Variants in APOL5 observed in about 807,000 individuals in gnomAD.
The protein encoded by APOL5 is apolipoprotein L, 5.
APOL5 carries 29 observed loss-of-function variants against 35.5 expected under a neutral mutation model. The observed-to-expected ratio is 0.82, with a 90% CI of 0.61 to 1.11. The LOEUF is 1.11. Among genes scored for constraint, APOL5 ranks in the 50% most tolerant of loss-of-function variants. The pLI, the probability that APOL5 is intolerant of heterozygous loss-of-function variation, is 0.00. For synonymous variants in APOL5, 188 were observed against 200.2 expected (o/e 0.94, Z 0.51); for missense variants, 514 against 530.4 (o/e 0.97, Z 0.30).
chr22:35,711,169 C>T, the APOL5 span, among the ~76,000 whole-genome samples: 1 of 152,084 alleles, frequency 6.6e-6, no homozygotes, highest in African/African-American at 2.4e-5. Context: ...GAAACTCTGT[C>T]TCAAACAACA....
At chr22:35,713,867 G>A (rs1926662813), upstream of APOL5, among the ~76,000 whole-genome samples, 1 of 152,160 alleles carries the variant, frequency 6.6e-6, no homozygotes, top group Admixed American at 6.5e-5. Context: ...GAAAGTGAAG[G>A]TGAGGAACTA....
Position 35,728,703 on chromosome 22 carries a change from C to T in APOL5, c.1127-20C>T, listed in dbSNP as rs1212685512. ...TCTCTTTCTTGGAAGTTGTAAGACACAGGGACTCATGTTCCACAGGGTCTC... is the reference window on the plus strand; with the variant it reads ...TCTCTTTCTTGGAAGTTGTAAGACATAGGGACTCATGTTCCACAGGGTCTC... On this transcript the variant is annotated intron_variant, in intron 3 of 4. Transcript: ENST00000249044. The T allele has an allele frequency of 6.2e-7, 1 of 1,607,652 alleles. No individual in the cohort carries two copies. The highest frequency in any genetic ancestry group is 8.5e-7 in the Non-Finnish European group (1 of 1,177,536).
intron 1 of APOL5, among the ~76,000 whole-genome samples, chr22:35,718,443 C>T (rs989808979): frequency 2.0e-5 from 3 of 151,808 alleles, no homozygotes; most frequent in Admixed American, 6.6e-5. Flanking sequence ...CATGGTGAAA[C>T]CCTGTCTCTA....
chr22:35,718,549 G>A (rs113254883), intron 1 of APOL5, among the ~76,000 whole-genome samples: 6,163 of 146,422 alleles, frequency 0.042, 178 homozygotes, highest in Middle Eastern at 0.073. Context: ...CTGGGAGATC[G>A]CGCCATTGCA....
chr22:35,714,835 C>T (rs932538406), upstream of APOL5, among the ~76,000 whole-genome samples: 3 of 152,234 alleles, frequency 2.0e-5, no homozygotes, highest in Non-Finnish European at 4.4e-5. Flanking sequence ...ACAGTGGCCA[C>T]AGCCTCCACT....
At chr22:35,710,381 A>G in the APOL5 span, among the ~76,000 whole-genome samples, 1 of 149,396 alleles carries the variant, frequency 6.7e-6, no homozygotes, top group African/African-American at 2.5e-5. Flanking sequence ...GGCTCAAGTG[A>G]TCCTCCCGCC....
the APOL5 span, among the ~76,000 whole-genome samples, chr22:35,709,180 G>A: frequency 6.6e-6 from 1 of 152,168 alleles, no homozygotes; most frequent in Non-Finnish European, 1.5e-5. Context: ...TCAAGAACAT[G>A]CAAAACGTAT....
At chr22:35,725,562 T>G (rs571514198) in intron 2 of APOL5, among the ~76,000 whole-genome samples, 2 of 150,754 alleles carry the variant, frequency 1.3e-5, no homozygotes, top group Non-Finnish European at 1.5e-5. Flanking sequence ...CAGGACTGGT[T>G]TTTTTTTTTA....
chr22:35,714,336 C>T (rs1212273001), upstream of APOL5, among the ~76,000 whole-genome samples: 2 of 152,086 alleles, frequency 1.3e-5, no homozygotes, highest in Non-Finnish European at 2.9e-5. Flanking sequence ...AAATAAAAAT[C>T]TGCGTTATCC....
intron 2 of APOL5, among the ~76,000 whole-genome samples, chr22:35,723,323 T>C (rs1484193540): frequency 6.6e-6 from 1 of 152,160 alleles, no homozygotes; most frequent in Non-Finnish European, 1.5e-5. Context: ...AGTCAAACCC[T>C]GTTACGTGCT....
upstream of APOL5, among the ~76,000 whole-genome samples, chr22:35,714,707 TGAGAA>T (rs1926689647): frequency 6.6e-6 from 1 of 152,206 alleles, no homozygotes; most frequent in Non-Finnish European, 1.5e-5. Flanking sequence ...GGTGTCCGAC[TGAGAA>T]GAGTTGAGAA....
the APOL5 span, among the ~76,000 whole-genome samples, chr22:35,708,587 G>A: frequency 6.6e-6 from 1 of 152,172 alleles, no homozygotes; most frequent in South Asian, 2.1e-4. Flanking sequence ...TCACATCTGT[G>A]CTCTTCACAA....
chr22:35,710,500 C>G, the APOL5 span, among the ~76,000 whole-genome samples: 1 of 150,166 alleles, frequency 6.7e-6, no homozygotes, highest in Admixed American at 6.7e-5. Flanking sequence ...TATATATGTA[C>G]ACACACACAC....
chr22:35,719,378 C>T (rs950735266), intron 1 of APOL5, among the ~76,000 whole-genome samples: 2 of 152,162 alleles, frequency 1.3e-5, no homozygotes, highest in African/African-American at 4.8e-5. Flanking sequence ...ACCACCATCC[C>T]GCCCACGAGC....
rs1271778429 is a variant in APOL5 at position 35,727,180 on chromosome 22, T to G, written c.1112T>G (p.Val371Gly). 2 of 1,599,550 alleles carry G rather than the reference T, an allele frequency of 1.3e-6. No homozygotes were observed. The highest frequency in any genetic ancestry group is 2.7e-5 in the African/African-American group (2 of 74,800). ...SRGRAVRGSR[V>G]VKPEGSRSPL... is the part of the protein sequence containing the mutation. The stretch of plus-strand genomic sequence containing the variant: ...GGCAGGGCTGTTCGAGGATCCCGTG[T>G]GGTTAAACCAGAAGGTAGGAAGGCA... The change falls in exon 3 of 5, where the codon GTG (valine) becomes GGG (glycine). Residue 371 changes from valine (V) to glycine (G), a missense_variant. By Grantham distance (109) the Val-to-Gly change is moderately radical (BLOSUM62 -3). Coordinates refer to ENST00000249044, the MANE Select transcript of APOL5 (RefSeq NM_030642.1).
chr22:35,710,263 A>G, the APOL5 span, among the ~76,000 whole-genome samples: 1 of 149,500 alleles, frequency 6.7e-6, no homozygotes, highest in Non-Finnish European at 1.5e-5. Flanking sequence ...TAGCTGGACT[A>G]CAGGTATGCA....
chr22:35,726,168 T>A, intron 2 of APOL5, 43 bp from the exon 3 acceptor site: 2 of 1,582,756 alleles, frequency 1.3e-6, no homozygotes, highest in Non-Finnish European at 1.7e-6. Flanking sequence ...GGGCTCTGCC[T>A]CCTGCACACA....
intron 1 of APOL5, 53 bp downstream of exon 1, chr22:35,717,979 G>A (rs1208451465): frequency 7.0e-7 from 1 of 1,436,464 alleles, no homozygotes; most frequent in Non-Finnish European, 9.4e-7. Context: ...TGTACAAATT[G>A]TCCCAGAAAT....
At chr22:35,711,268 G>T in the APOL5 span, among the ~76,000 whole-genome samples, 1 of 152,076 alleles carries the variant, frequency 6.6e-6, no homozygotes, top group South Asian at 2.1e-4. Flanking sequence ...ATCACCTTTT[G>T]GTCATCCATT....
Sources: gnomAD v4.1 joint callset for allele counts (sites outside exome capture counted in the v4.1 genomes callset) on GRCh38, gnomAD v4.1.1 for gene constraint, MANE v1.5 for transcripts, NCBI Gene and HGNC (gene_info 2026-07-23, HGNC 2026-07-21) for gene names.